The following DGKK variants were observed in gnomAD, a reference collection of about 807,000 sequenced individuals.
DGKK encodes the protein 142 kDa diacylglycerol kinase.
Under a neutral mutation model 92.2 loss-of-function variants are expected in DGKK, and 35 were observed. That is an observed-to-expected ratio of 0.38 (90% confidence interval 0.29 to 0.50). DGKK has a LOEUF of 0.50. Among genes scored for constraint, DGKK ranks in the 20% least tolerant of loss-of-function variants. The probability of loss-of-function intolerance (pLI) is 0.92; values close to 1 mark genes in which losing one functional copy is unlikely to be tolerated. For synonymous variants in DGKK, 368 were observed against 360.6 expected, an observed-to-expected ratio of 1.02 and a Z score of -0.23; for missense variants, 910 against 992.2, an observed-to-expected ratio of 0.92 and a Z score of 1.11.
Position 50,367,677 on chromosome X carries a change from A to G in DGKK, c.*1263T>C, listed in dbSNP as rs945766128. On this transcript the variant is annotated 3_prime_UTR_variant, in exon 28 of 28. Transcript: ENST00000611977. The stretch of plus-strand genomic sequence containing the variant: ...TTCAGGCATCTAAGTCACAGAGCTC[A>G]AGGCCTGGTTGCTCCATATAGTCTT... The G allele has an allele frequency of 5.4e-5, 6 of 111,650 alleles. No individual in the cohort carries two copies. Among genetic ancestry groups the G allele is most frequent in the Non-Finnish European group, 1.1e-4 (6 of 53,151 alleles). The allele number at this position is 111,650 out of a possible 1,213,427, so 9.2% of individuals were successfully genotyped here.
chrX:50,447,140 GC>G (rs1926328453), intron 1 of DGKK, among the ~76,000 whole-genome samples: 1 of 97,942 alleles, frequency 1.0e-5, no homozygotes, highest in Admixed American at 1.2e-4. Context: ...AAATTATACT[GC>G]TCCATTTATA....
At chrX:50,454,611 T>C (rs1602304062) in intron 1 of DGKK, among the ~76,000 whole-genome samples, 2 of 111,967 alleles carry the variant, frequency 1.8e-5, no homozygotes, top group Admixed American at 1.9e-4. Flanking sequence ...TGATATCAGC[T>C]GAATAGGGTT....
At chrX:50,408,484 T>G (rs961661385) in intron 4 of DGKK, among the ~76,000 whole-genome samples, 1 of 111,439 alleles carries the variant, frequency 9.0e-6, no homozygotes, top group African/African-American at 3.3e-5. Flanking sequence ...GTTCACGCCA[T>G]TCTCCTGCCT....
intron 4 of DGKK, among the ~76,000 whole-genome samples, chrX:50,417,117 C>T (rs1557228616): frequency 9.6e-6 from 1 of 104,000 alleles, no homozygotes; most frequent in Non-Finnish European, 2.0e-5. Flanking sequence ...CTAGTTTGCC[C>T]ACTTGAAAAA....
rs200062766 is a variant in DGKK, at chrX:50,447,343, T to A, written c.645+22691A>T. On this transcript the variant is annotated intron_variant, in intron 1 of 27. Transcript: ENST00000611977. ...GTGTGTATGTATATATATATATATA[T>A]TATATATATATATAATATATATATA... Among the ~76,000 whole-genome samples the A allele has an allele frequency of 8.1e-4, 10 of 12,278 alleles. 1 individual carries two copies. Among genetic ancestry groups the A allele is most frequent in the African/African-American group, 3.3e-3 (5 of 1,506 alleles). The allele number at this position is 12,278 out of a possible 115,157, so 10.7% of individuals were successfully genotyped here. A position where few individuals can be genotyped will look rare whatever the true frequency, so the allele number is the denominator to read the frequency against.
At chrX:50,378,061 G>A in intron 22 of DGKK, 37 bp downstream of exon 22, 1 of 1,187,180 alleles carries the variant, frequency 8.4e-7, no homozygotes. Context: ...TATGGATGAG[G>A]CAGTATAGGA....
At chrX:50,444,262 C>A (rs1284217537) in intron 1 of DGKK, among the ~76,000 whole-genome samples, 3 of 111,575 alleles carry the variant, frequency 2.7e-5, no homozygotes, top group Non-Finnish European at 5.7e-5. Flanking sequence ...GTGACTGTAT[C>A]ATTTTACATT....
Position 50,379,628 on chromosome X carries a change from G to A in DGKK, c.2861C>T (p.Thr954Met), listed in dbSNP as rs192492550. The A allele has an allele frequency of 1.0e-5, 12 of 1,200,688 alleles. 1 individual carries two copies. Among genetic ancestry groups the A allele is most frequent in the Admixed American group, 6.5e-5 (3 of 45,810 alleles). Residue 954 changes from threonine to methionine, a missense_variant and splice_region_variant, in exon 20 of 28, where the codon ACG becomes ATG. Transcript: ENST00000611977. ...INFWGSNTATTEYEAPAIDDG... is the reference protein window; with the variant it reads ...INFWGSNTATMEYEAPAIDDG... Reference sequence around the variant, plus strand: ...CCCCATTCCTTGTTCCATACTAACCGTGGTTGCTGTGTTGCTTCCCCAGAA... The same window carrying A: ...CCCCATTCCTTGTTCCATACTAACCATGGTTGCTGTGTTGCTTCCCCAGAA...
At chrX:50,399,689 A>G (rs1924944924) in intron 8 of DGKK, among the ~76,000 whole-genome samples, 1 of 112,403 alleles carries the variant, frequency 8.9e-6, no homozygotes, top group Non-Finnish European at 1.9e-5. Flanking sequence ...GCTTAGTGAA[A>G]TAGTAGTATG....
intron 13 of DGKK, among the ~76,000 whole-genome samples, chrX:50,388,150 T>C (rs782593966): frequency 1.8e-5 from 2 of 112,219 alleles, no homozygotes; most frequent in East Asian, 2.8e-4. Context: ...GGGGAATGTG[T>C]TCCTCAGGTT....
chrX:50,379,004 CAG>C (rs1924342992), intron 20 of DGKK, among the ~76,000 whole-genome samples: 1 of 111,904 alleles, frequency 8.9e-6, no homozygotes, highest in African/African-American at 3.3e-5. Context: ...ATTTTACTGA[CAG>C]AATTCCTTGG....
chrX:50,468,731 C>A (rs1557234220), intron 1 of DGKK, among the ~76,000 whole-genome samples: 1 of 110,750 alleles, frequency 9.0e-6, no homozygotes, highest in East Asian at 2.8e-4. Flanking sequence ...CCAATCTGCC[C>A]CCTCCCCTCC....
At chrX:50,378,257 G>T in intron 21 of DGKK, 25 bp from the exon 22 acceptor site, 1 of 1,199,106 alleles carries the variant, frequency 8.3e-7, no homozygotes, top group South Asian at 1.8e-5. Flanking sequence ...GAGGAAGAAT[G>T]GGAGAGAAAA....
intron 1 of DGKK, among the ~76,000 whole-genome samples, chrX:50,430,511 T>C (rs1446943177): frequency 2.7e-5 from 3 of 111,804 alleles, no homozygotes; most frequent in African/African-American, 9.8e-5. Context: ...AATTAGTCTA[T>C]TGTCCCGAAT....
At chrX:50,376,966 G>C in intron 22 of DGKK, 48 bp from the exon 23 acceptor site, 1 of 1,121,863 alleles carries the variant, frequency 8.9e-7, no homozygotes, top group African/African-American at 1.8e-5. Flanking sequence ...GTAGCTACTA[G>C]TGCACATGAC....
intron 19 of DGKK, 47 bp from the exon 20 acceptor site, chrX:50,379,781 C>A: frequency 9.5e-7 from 1 of 1,058,102 alleles, no homozygotes; most frequent in Non-Finnish European, 1.3e-6. Context: ...TAGATAGCAA[C>A]ATGAAGGAAC....
chrX:50,391,254 G>T lies in DGKK; in HGVS notation c.1844+183C>A, dbSNP rs1924687192. On this transcript the variant is annotated intron_variant, in intron 11 of 27. Transcript: ENST00000611977. Reference sequence around the variant, plus strand: ...TGAAGAGGGGCTTCAATGTTTGAAGGATACATGGTAGACCCTGGCTTCCCA... The same window carrying T: ...TGAAGAGGGGCTTCAATGTTTGAAGTATACATGGTAGACCCTGGCTTCCCA... 2.7e-5 allele frequency among the ~76,000 whole-genome samples: 3 copies of T among 111,404 alleles called. No individual in the cohort carries two copies. In the South Asian group the frequency reaches 1.1e-3, roughly 42 times the overall value.
chrX:50,371,360 T>G (rs1404328428), intron 26 of DGKK, among the ~76,000 whole-genome samples: 3 of 111,969 alleles, frequency 2.7e-5, no homozygotes, highest in African/African-American at 9.7e-5. Context: ...ATGAACCAGA[T>G]GAAGTTCAGT....
chrX:50,457,237 T>C (rs1226677977), intron 1 of DGKK, among the ~76,000 whole-genome samples: 1 of 111,381 alleles, frequency 9.0e-6, no homozygotes, highest in Non-Finnish European at 1.9e-5. Context: ...CATTAACACC[T>C]ATACCACAAT....
Sources: gnomAD v4.1 joint callset for allele counts (sites outside exome capture counted in the v4.1 genomes callset) on GRCh38, gnomAD v4.1.1 for gene constraint, MANE v1.5 for transcripts, NCBI Gene and HGNC (gene_info 2026-07-23, HGNC 2026-07-21) for gene names.